Variants in CLEC2A observed in about 807,000 individuals in gnomAD.
CLEC2A encodes the protein C-type lectin domain family 2 member A, also known as keratinocyte-associated C-type lectin.
Under a neutral mutation model 18.6 loss-of-function variants are expected in CLEC2A, and 19 were observed. The observed-to-expected ratio is 1.02, with a 90% CI of 0.71 to 1.50. The LOEUF (loss-of-function observed/expected upper bound fraction) is 1.50. Ranked by LOEUF, CLEC2A falls within the 40% of genes most tolerant of loss-of-function variation. The probability of loss-of-function intolerance (pLI) is 0.00; values close to 1 mark genes in which losing one functional copy is unlikely to be tolerated. For synonymous variants in CLEC2A, 74 were observed against 64.0 expected (o/e 1.16, Z -0.75); for missense variants, 190 against 207.9 (o/e 0.91, Z 0.53).
chr12:9,911,544 C>T (rs1036588783), downstream of CLEC2A, among the ~76,000 whole-genome samples: 3 of 152,208 alleles, frequency 2.0e-5, no homozygotes, highest in African/African-American at 7.2e-5. Context: ...CTCCAACCTG[C>T]ATAATTTAGC....
At chr12:9,882,305 C>T in the CLEC2A span, among the ~76,000 whole-genome samples, 1 of 152,166 alleles carries the variant, frequency 6.6e-6, no homozygotes, top group Non-Finnish European at 1.5e-5. Flanking sequence ...CGTGTACAAT[C>T]TCATTTTATA....
At chr12:9,889,855 T>A in the CLEC2A span, among the ~76,000 whole-genome samples, 2 of 152,122 alleles carry the variant, frequency 1.3e-5, no homozygotes, top group Admixed American at 1.3e-4. Flanking sequence ...TATATCAATA[T>A]ATAAAGTTAA....
At chr12:9,902,799 G>A (rs1306676048) in intron 4 of CLEC2A, among the ~76,000 whole-genome samples, 3 of 152,158 alleles carry the variant, frequency 2.0e-5, no homozygotes, top group Admixed American at 6.5e-5. Context: ...GAGAGTAAGG[G>A]TTTTTATTCC....
chr12:9,888,375 A>T, the CLEC2A span, among the ~76,000 whole-genome samples: 3 of 151,566 alleles, frequency 2.0e-5, no homozygotes, highest in Admixed American at 6.6e-5. Context: ...CTGTAGTCCC[A>T]TATGCTCGGG....
chr12:9,897,625 C>T (rs937834349), downstream of CLEC2A, among the ~76,000 whole-genome samples: 11 of 151,550 alleles, frequency 7.3e-5, no homozygotes, highest in African/African-American at 9.7e-5. Context: ...GAATACCAGG[C>T]GATCACACAC....
the CLEC2A span, among the ~76,000 whole-genome samples, chr12:9,889,484 A>T: frequency 6.6e-6 from 1 of 152,146 alleles, no homozygotes; most frequent in Non-Finnish European, 1.5e-5. Flanking sequence ...AGGTCCCCAA[A>T]GGAAGAGGAA....
At chr12:9,905,239 C>G (rs1323827436) in intron 4 of CLEC2A, among the ~76,000 whole-genome samples, 1 of 152,176 alleles carries the variant, frequency 6.6e-6, no homozygotes, top group African/African-American at 2.4e-5. Flanking sequence ...GTGTGTCCAT[C>G]TCCTTTCAGC....
At chr12:9,882,659 T>C in the CLEC2A span, among the ~76,000 whole-genome samples, 1 of 152,164 alleles carries the variant, frequency 6.6e-6, no homozygotes, top group Non-Finnish European at 1.5e-5. Flanking sequence ...CGTGTGCCTG[T>C]AATCCCAACT....
At chr12:9,925,126 G>T (rs978720016) in intron 2 of CLEC2A, among the ~76,000 whole-genome samples, 2 of 152,066 alleles carry the variant, frequency 1.3e-5, no homozygotes, top group African/African-American at 2.4e-5. Flanking sequence ...AACTCTACCT[G>T]CATCTTTAGG....
chr12:9,915,430 T>G (rs1048395537), intron 4 of CLEC2A, among the ~76,000 whole-genome samples: 23 of 151,960 alleles, frequency 1.5e-4, no homozygotes, highest in African/African-American at 5.3e-4. Context: ...CTATTTACAA[T>G]AGCAAAAACA....
intron 4 of CLEC2A, among the ~76,000 whole-genome samples, chr12:9,904,969 T>C (rs1862886684): frequency 6.6e-6 from 1 of 152,194 alleles, no homozygotes; most frequent in Admixed American, 6.5e-5. Flanking sequence ...GGTATGGACA[T>C]AAATACTTAT....
At chr12:9,916,673 A>C (rs1863076595) in intron 4 of CLEC2A, 27 bp downstream of exon 4, 1 of 1,336,794 alleles carries the variant, frequency 7.5e-7, no homozygotes, top group Admixed American at 2.0e-5. Context: ...CCAGAATAAG[A>C]ACATTGCTAA....
downstream of CLEC2A, among the ~76,000 whole-genome samples, chr12:9,908,489 T>C (rs1054437111): frequency 3.9e-5 from 6 of 152,222 alleles, no homozygotes; most frequent in East Asian, 1.9e-4. Flanking sequence ...GCAGGTGATA[T>C]CAGATGGAGG....
At chr12:9,913,729 T>A in intron 4 of CLEC2A, 49 bp from the exon 5 acceptor site, 1 of 1,194,840 alleles carries the variant, frequency 8.4e-7, no homozygotes, top group South Asian at 1.4e-5. Context: ...ACGGCTGTAA[T>A]CAAAAAGACA....
the CLEC2A span, among the ~76,000 whole-genome samples, chr12:9,879,815 A>T: frequency 6.6e-6 from 1 of 152,216 alleles, no homozygotes; most frequent in South Asian, 2.1e-4. Context: ...CTATGTTTAG[A>T]AGTGCACAGA....
intron 4 of CLEC2A, among the ~76,000 whole-genome samples, chr12:9,903,915 G>C (rs1020598994): frequency 6.6e-6 from 1 of 152,116 alleles, no homozygotes; most frequent in Admixed American, 6.5e-5. Context: ...ATGATGCTTT[G>C]TTTTTATCCT....
At chr12:9,894,716 A>C (rs959888434), downstream of CLEC2A, among the ~76,000 whole-genome samples, 1 of 152,132 alleles carries the variant, frequency 6.6e-6, no homozygotes, top group East Asian at 1.9e-4. Context: ...ATATTTATCT[A>C]CTCCTGGATA....
At chr12:9,920,535 A>G (rs1863152693) in intron 3 of CLEC2A, among the ~76,000 whole-genome samples, 1 of 152,194 alleles carries the variant, frequency 6.6e-6, no homozygotes, top group African/African-American at 2.4e-5. Flanking sequence ...CAGGTTGGCC[A>G]TCGACCTGCC....
Position 9,913,582 on chromosome 12 carries a change from G to C in CLEC2A, c.509C>G (p.Pro170Arg), listed in dbSNP as rs1463579948. 5 of 1,546,628 alleles carry C rather than the reference G, an allele frequency of 3.2e-6. No individual in the cohort carries two copies. The Admixed American group carries it at 6.0e-5, about 18-fold the overall frequency. ...FIDIKWICSK[P>R]KYFL The stretch of plus-strand genomic sequence containing the variant: ...TTTTCTGCTCTATAAAAAATATTTA[G>C]GTTTGCTGCAAATCCACTTGATATC... Residue 170 changes from proline to arginine, a missense_variant, in exon 5 of 5, where the codon CCT becomes CGT. Pro to Arg is a moderately radical substitution (Grantham distance 103). Coordinates refer to ENST00000455827, the MANE Select transcript of CLEC2A (RefSeq NM_001130711.2).
Sources: gnomAD v4.1 joint callset for allele counts (sites outside exome capture counted in the v4.1 genomes callset) on GRCh38, gnomAD v4.1.1 for gene constraint, MANE v1.5 for transcripts, NCBI Gene and HGNC (gene_info 2026-07-23, HGNC 2026-07-21) for gene names.